The following HHIP variants were observed in gnomAD, a reference collection of about 807,000 sequenced individuals.
HHIP encodes hedgehog-interacting protein.
A neutral mutation model predicts 74.0 loss-of-function variants in HHIP; 12 were observed. The ratio of observed to expected loss-of-function variants is 0.16; its 90% CI spans 0.10 to 0.26. The LOEUF (loss-of-function observed/expected upper bound fraction) is 0.26. Ranked by LOEUF, HHIP falls within the 10% of genes least tolerant of loss-of-function variation. The pLI is 1.00. For missense variants in HHIP, 788 were observed against 845.0 expected (o/e 0.93, Z 0.84); for synonymous variants, 309 against 311.6 (o/e 0.99, Z 0.09).
At chr4:144,664,081 C>T (rs1314997142) in intron 4 of HHIP, among the ~76,000 whole-genome samples, 1 of 152,216 alleles carries the variant, frequency 6.6e-6, no homozygotes, top group Non-Finnish European at 1.5e-5. Flanking sequence ...CCTCGGCTAG[C>T]AGCACACAGC....
At chr4:144,693,524 A>G (rs1458163230) in intron 4 of HHIP, among the ~76,000 whole-genome samples, 1 of 152,094 alleles carries the variant, frequency 6.6e-6, no homozygotes, top group African/African-American at 2.4e-5. Flanking sequence ...TGTCCTCCTT[A>G]AAATAAATCC....
chr4:144,667,408 T>C (rs1728904523), intron 4 of HHIP, among the ~76,000 whole-genome samples: 1 of 152,210 alleles, frequency 6.6e-6, no homozygotes, highest in South Asian at 2.1e-4. Flanking sequence ...GGGAAACTCA[T>C]GATAGTGTTA....
chr4:144,681,165 T>C (rs1729327079), intron 4 of HHIP, among the ~76,000 whole-genome samples: 1 of 152,230 alleles, frequency 6.6e-6, no homozygotes. Context: ...CACTTTTCTT[T>C]ATGTGAAACC....
Position 144,708,274 on chromosome 4 carries a change from C to A in HHIP, c.1264C>A (p.Pro422Thr). 6.2e-7 allele frequency: 1 copy of A among 1,614,150 alleles called. No homozygotes were observed. The highest frequency in any genetic ancestry group is 8.5e-7 in the Non-Finnish European group (1 of 1,180,018). Residue 422 changes from proline to threonine, a missense_variant, in exon 7 of 13, where the codon CCC (proline) becomes ACC (threonine). Coordinates refer to ENST00000296575, the MANE Select transcript of HHIP (RefSeq NM_022475.3). The part of the protein sequence containing the change: ...NPHFNSTNQP[P>T]EVFAHGLHDP... ...ACACTTCAACAGCACCAACCAGCCCCCCGAAGTGTTTGCTCATGGGCTCCA... is the reference window on the plus strand; with the variant it reads ...ACACTTCAACAGCACCAACCAGCCCACCGAAGTGTTTGCTCATGGGCTCCA...
chr4:144,701,956 T>C (rs929880031), intron 4 of HHIP, among the ~76,000 whole-genome samples: 2 of 152,086 alleles, frequency 1.3e-5, no homozygotes, highest in Non-Finnish European at 2.9e-5. Flanking sequence ...CTTTTAAATG[T>C]CACAATGAAA....
chr4:144,741,438 A>G lies in HHIP; in HGVS notation c.*3481A>G, dbSNP rs1338157914. ...TGCTATGTTGCCCAGGCTGCAGAGC[A>G]GCACAATCTCAGCTCACTACAACCT... is the stretch of plus-strand genomic sequence containing the variant. On this transcript the variant is annotated 3_prime_UTR_variant, in exon 13 of 13. Coordinates refer to ENST00000296575, the MANE Select transcript of HHIP (RefSeq NM_022475.3). 2 of 137,822 alleles carry G rather than the reference A, an allele frequency of 1.5e-5. No individual in the cohort carries two copies. The highest frequency in any genetic ancestry group is 3.0e-5 in the Non-Finnish European group (2 of 66,176). 8.5% of individuals were successfully genotyped at this position (137,822 alleles called of 1,614,324 possible).
chr4:144,655,084 GCA>G (rs997094260), intron 2 of HHIP: 21 of 152,028 alleles, frequency 1.4e-4, no homozygotes, highest in African/African-American at 4.8e-4. Context: ...CTTTAAGAAA[GCA>G]CAGTCACTTT....
intron 1 of HHIP, among the ~76,000 whole-genome samples, chr4:144,649,848 G>T (rs1728368805): frequency 6.6e-6 from 1 of 152,016 alleles, no homozygotes; most frequent in Non-Finnish European, 1.5e-5. Flanking sequence ...CTCATCCTGG[G>T]GTCCCTTTAA....
At chr4:144,732,455 T>A (rs1019160091) in intron 11 of HHIP, among the ~76,000 whole-genome samples, 2 of 152,114 alleles carry the variant, frequency 1.3e-5, no homozygotes, top group Non-Finnish European at 2.9e-5. Flanking sequence ...CTAATCTGAG[T>A]TTCCTTATGT....
In HHIP at chr4:144,711,972, A is replaced by C. The variant is rs764080742; in HGVS notation, c.1324A>C (p.Thr442Pro). 6.2e-7 allele frequency: 1 copy of C among 1,611,994 alleles called. No homozygotes were observed. Among genetic ancestry groups the C allele is most frequent in the Non-Finnish European group, 8.5e-7 (1 of 1,178,510 alleles). ...PGRCAVDRHP[T>P]DININLTILC... Reference sequence around the variant, plus strand: ...CAGATGTGCTGTGGATAGACATCCCACTGATATAAACATCAATTTAACGAT... The same window carrying C: ...CAGATGTGCTGTGGATAGACATCCCCCTGATATAAACATCAATTTAACGAT... Residue 442 changes from threonine (T) to proline (P), a missense_variant, in exon 8 of 13, where the codon ACT becomes CCT. By Grantham distance (38) the Thr-to-Pro change is conservative (BLOSUM62 -1). This residue lies in a region of HHIP where 343 missense variants were observed against 347.9 expected (regional missense o/e 0.99). Transcript: ENST00000296575.
In HHIP at chr4:144,658,256, A is replaced by G. The variant is rs780876756; in HGVS notation, c.473-534A>G. ...CTTCATGGGAGCCTTTTAATACTCAACACAATATTATTTCACTTTTACCAC... is the reference window on the plus strand; with the variant it reads ...CTTCATGGGAGCCTTTTAATACTCAGCACAATATTATTTCACTTTTACCAC... On this transcript the variant is annotated intron_variant, in intron 2 of 12. Transcript: ENST00000296575. 2.1e-4 allele frequency among the ~76,000 whole-genome samples: 32 copies of G among 152,286 alleles called. 1 individual carries two copies. Among genetic ancestry groups the G allele is most frequent in the African/African-American group, 6.5e-4 (27 of 41,570 alleles).
chr4:144,689,403 T>C (rs1052084283), intron 4 of HHIP, among the ~76,000 whole-genome samples: 2 of 152,210 alleles, frequency 1.3e-5, no homozygotes, highest in African/African-American at 4.8e-5. Context: ...AAACAAATTG[T>C]CTAGTGTTAC....
chr4:144,737,731 G>A (rs201135281), intron 12 of HHIP, 33 bp from the exon 13 acceptor site: 1 of 1,553,844 alleles, frequency 6.4e-7, no homozygotes, highest in South Asian at 1.2e-5. Flanking sequence ...TACAGAATGA[G>A]AGTGTGATGT....
chr4:144,711,833 A>G, intron 7 of HHIP, 117 bp from the exon 8 acceptor site: 1 of 914,234 alleles, frequency 1.1e-6, no homozygotes. Flanking sequence ...ATCCAAACTA[A>G]ATTGCCATAG....
At chr4:144,695,596 G>A (rs1456365195) in intron 4 of HHIP, among the ~76,000 whole-genome samples, 2 of 149,220 alleles carry the variant, frequency 1.3e-5, no homozygotes, top group Admixed American at 6.7e-5. Flanking sequence ...CAAATGTCGG[G>A]GTCTATTTCT....
intron 4 of HHIP, among the ~76,000 whole-genome samples, chr4:144,695,886 T>C (rs1729804176): frequency 6.6e-6 from 1 of 151,886 alleles, no homozygotes; most frequent in Admixed American, 6.6e-5. Context: ...TAAATGTGCA[T>C]GTCCATGCCT....
chr4:144,707,052 A>G, intron 5 of HHIP, 35 bp from the exon 6 acceptor site: 1 of 1,583,604 alleles, frequency 6.3e-7, no homozygotes, highest in South Asian at 1.1e-5. Context: ...TAAATCTTTT[A>G]ACAGTCATGG....
chr4:144,678,831 T>C (rs1039639472), intron 4 of HHIP, among the ~76,000 whole-genome samples: 2 of 152,244 alleles, frequency 1.3e-5, no homozygotes, highest in African/African-American at 4.8e-5. Flanking sequence ...TTGTGAACAG[T>C]GCTGCAATAA....
chr4:144,719,636 A>T (rs901622544), intron 11 of HHIP, among the ~76,000 whole-genome samples: 3 of 152,190 alleles, frequency 2.0e-5, no homozygotes, highest in Non-Finnish European at 4.4e-5. Context: ...AATTTCATGG[A>T]TCAAACCTGA....
Sources: gnomAD v4.1 joint callset for allele counts (sites outside exome capture counted in the v4.1 genomes callset) on GRCh38, gnomAD v4.1.1 for gene constraint, gnomAD v4.1.1 regional missense constraint, MANE v1.5 for transcripts, NCBI Gene and HGNC (gene_info 2026-07-23, HGNC 2026-07-21) for gene names.